Variants in PKIB observed in about 807,000 individuals in gnomAD.
The protein encoded by PKIB is PKI-beta.
A neutral mutation model predicts 4.5 loss-of-function variants in PKIB; 2 were observed. The observed-to-expected ratio is 0.44, with a 90% CI of 0.18 to 1.39. The LOEUF is 1.39. Among genes scored for constraint, PKIB ranks in the 40% most tolerant of loss-of-function variants. The pLI is 0.27. For missense variants in PKIB, 94 were observed against 92.6 expected (o/e 1.02, Z -0.06); for synonymous variants, 38 against 36.0 (o/e 1.06, Z -0.20).
chr6:122,695,808 A>G (rs1341640570), intron 3 of PKIB, among the ~76,000 whole-genome samples: 1 of 151,802 alleles, frequency 6.6e-6, no homozygotes, highest in East Asian at 1.9e-4. Flanking sequence ...TATCTAAAAG[A>G]CTCTATTTCA....
chr6:122,542,907 C>T (rs1777652193), intron 2 of PKIB, among the ~76,000 whole-genome samples: 1 of 152,138 alleles, frequency 6.6e-6, no homozygotes, highest in African/African-American at 2.4e-5. Context: ...CTAATCAAGC[C>T]TGGGCAATGG....
chr6:122,648,483 G>T (rs1046259471), intron 2 of PKIB, among the ~76,000 whole-genome samples: 1 of 152,120 alleles, frequency 6.6e-6, no homozygotes, highest in Non-Finnish European at 1.5e-5. Flanking sequence ...GTTTTCAAAG[G>T]CCATTCCACT....
chr6:122,526,467 G>C lies in PKIB; in HGVS notation c.-248+48528G>C, dbSNP rs149830857. 1.4e-3 allele frequency among the ~76,000 whole-genome samples: 207 copies of C among 152,146 alleles called. 1 individual carries two copies. The highest frequency in any genetic ancestry group is 4.7e-3 in the African/African-American group (197 of 41,524). ...ATGTTGAAATTACCCCTTGATCTAT[G>C]AGTTGCAGAATGGATGTTGTGTTAG... On this transcript the variant is annotated intron_variant, in intron 2 of 6. Coordinates refer to the PKIB transcript ENST00000392491.
intron 2 of PKIB, among the ~76,000 whole-genome samples, chr6:122,657,006 T>C (rs1205949961): frequency 6.6e-6 from 1 of 152,222 alleles, no homozygotes; most frequent in Admixed American, 6.5e-5. Context: ...TATTCTCTTT[T>C]AGTCTTCAAT....
intron 3 of PKIB, among the ~76,000 whole-genome samples, chr6:122,591,253 C>T (rs1432367926): frequency 1.3e-5 from 2 of 151,406 alleles, no homozygotes; most frequent in Non-Finnish European, 2.9e-5. Flanking sequence ...CCAGATTAGA[C>T]AAACGTTTTC....
intron 2 of PKIB, among the ~76,000 whole-genome samples, chr6:122,569,451 G>A (rs536769009): frequency 6.6e-6 from 1 of 152,288 alleles, no homozygotes; most frequent in South Asian, 2.1e-4. Flanking sequence ...TCACCACTGC[G>A]TACAACACCC....
intron 1 of PKIB, among the ~76,000 whole-genome samples, chr6:122,612,017 A>G (rs1774780625): frequency 1.3e-5 from 2 of 152,276 alleles, no homozygotes; most frequent in Middle Eastern, 3.4e-3. Context: ...CTTTACCACA[A>G]CTTTCTTCAA....
intron 2 of PKIB, among the ~76,000 whole-genome samples, chr6:122,497,686 A>T (rs1582658617): frequency 1.3e-5 from 2 of 152,244 alleles, no homozygotes; most frequent in Non-Finnish European, 2.9e-5. Flanking sequence ...ATATATACAT[A>T]ATCAACAATG....
chr6:122,593,175 T>G (rs2566837), intron 3 of PKIB, among the ~76,000 whole-genome samples: 59,969 of 152,004 alleles, frequency 0.39, 12,427 homozygotes, highest in South Asian at 0.58. Context: ...TCTACAGATT[T>G]GTGCACATAG....
chr6:122,561,939 C>A (rs1029428632), intron 2 of PKIB, among the ~76,000 whole-genome samples: 1 of 149,616 alleles, frequency 6.7e-6, no homozygotes, highest in African/African-American at 2.5e-5. Context: ...ATGTGAGGTA[C>A]CCTTGCGTTC....
intron 3 of PKIB, among the ~76,000 whole-genome samples, chr6:122,595,013 G>T (rs190445407): frequency 1.6e-3 from 246 of 152,254 alleles, no homozygotes; most frequent in African/African-American, 5.8e-3. Context: ...TAATGGGATC[G>T]TTGTTGCAAC....
intron 4 of PKIB, among the ~76,000 whole-genome samples, chr6:122,723,037 C>T (rs957481814): frequency 2.6e-5 from 4 of 152,132 alleles, no homozygotes; most frequent in Non-Finnish European, 4.4e-5. Flanking sequence ...CTTGGCTTTC[C>T]GGACACTCCA....
intron 3 of PKIB, among the ~76,000 whole-genome samples, chr6:122,686,267 C>A (rs1490316488): frequency 6.6e-6 from 1 of 152,236 alleles, no homozygotes; most frequent in East Asian, 1.9e-4. Context: ...TACATTCCCA[C>A]CAACAGTATA....
At chr6:122,538,081 C>G (rs1485308233) in intron 2 of PKIB, among the ~76,000 whole-genome samples, 1 of 151,928 alleles carries the variant, frequency 6.6e-6, no homozygotes, top group Non-Finnish European at 1.5e-5. Context: ...GATATTAGCC[C>G]TTTGTCAGAT....
At chr6:122,577,199 T>C (rs971605127) in intron 2 of PKIB, among the ~76,000 whole-genome samples, 18 of 152,294 alleles carry the variant, frequency 1.2e-4, no homozygotes, top group African/African-American at 4.3e-4. Context: ...AGCCAAATAG[T>C]ATCATACGCA....
chr6:122,636,873 C>T (rs1460637277), intron 2 of PKIB, among the ~76,000 whole-genome samples: 1 of 151,962 alleles, frequency 6.6e-6, no homozygotes, highest in African/African-American at 2.4e-5. Flanking sequence ...CTTAGAGAAG[C>T]CAAATCAGTT....
chr6:122,612,649 T>G (rs1334560404), intron 1 of PKIB, among the ~76,000 whole-genome samples: 1 of 152,216 alleles, frequency 6.6e-6, no homozygotes, highest in Non-Finnish European at 1.5e-5. Context: ...TATTGCTGAA[T>G]AGTTTTCCAT....
intron 3 of PKIB, among the ~76,000 whole-genome samples, chr6:122,710,305 A>G (rs1779222339): frequency 6.6e-6 from 1 of 152,162 alleles, no homozygotes; most frequent in South Asian, 2.1e-4. Context: ...TAGGCCTTGC[A>G]TGTAAACCCC....
At chr6:122,496,390 G>A (rs569614763) in intron 2 of PKIB, among the ~76,000 whole-genome samples, 6 of 152,146 alleles carry the variant, frequency 3.9e-5, no homozygotes, top group African/African-American at 1.4e-4. Flanking sequence ...TAACCAAAAT[G>A]GAAGCTCAGA....
Sources: allele counts gnomAD v4.1 joint callset (sites outside exome capture counted in the v4.1 genomes callset), GRCh38; gene constraint gnomAD v4.1.1; transcripts MANE v1.5; gene names NCBI Gene and HGNC (gene_info 2026-07-23, HGNC 2026-07-21).